PLCB4: variants seen among roughly 807,000 people sequenced by gnomAD.
The protein encoded by PLCB4 is 1-phosphatidylinositol 4,5-bisphosphate phosphodiesterase beta-4.
A neutral mutation model predicts 178.8 loss-of-function variants in PLCB4; 77 were observed. That is an observed-to-expected ratio of 0.43 (90% CI 0.36 to 0.52). The LOEUF (loss-of-function observed/expected upper bound fraction) is 0.52, where lower values mean the gene tolerates loss of function less well. PLCB4 is among the 20% of genes least tolerant of loss of function. The pLI is 0.00. For missense variants in PLCB4, 1,024 were observed against 1,453.4 expected, an observed-to-expected ratio of 0.70 and a Z score of 4.80; for synonymous variants, 496 against 490.8, an observed-to-expected ratio of 1.01 and a Z score of -0.14.
intron 2 of PLCB4, among the ~76,000 whole-genome samples, chr20:9,153,734 C>A (rs889312093): frequency 1.3e-5 from 2 of 152,092 alleles, no homozygotes; most frequent in African/African-American, 2.4e-5. Flanking sequence ...GTGAGTGATA[C>A]GATAAGGGGA....
At chr20:9,146,286 A>T (rs938882465) in intron 2 of PLCB4, among the ~76,000 whole-genome samples, 3 of 152,098 alleles carry the variant, frequency 2.0e-5, no homozygotes, top group African/African-American at 7.2e-5. Context: ...TGCATGATTC[A>T]GGTTCACCTC....
chr20:9,413,526 G>T (rs2040014788), intron 25 of PLCB4, among the ~76,000 whole-genome samples: 2 of 151,946 alleles, frequency 1.3e-5, no homozygotes, highest in African/African-American at 4.8e-5. Flanking sequence ...GGGCGTGGTG[G>T]CGGGCACCTG....
At chr20:9,386,416 A>G (rs2037666725) in intron 14 of PLCB4, among the ~76,000 whole-genome samples, 1 of 152,246 alleles carries the variant, frequency 6.6e-6, no homozygotes, top group African/African-American at 2.4e-5. Flanking sequence ...AAATGATGAA[A>G]GTGAAAAATA....
intron 25 of PLCB4, among the ~76,000 whole-genome samples, chr20:9,417,215 T>A (rs917217500): frequency 8.5e-5 from 13 of 152,172 alleles, no homozygotes; most frequent in African/African-American, 2.7e-4. Context: ...AATAATTTTT[T>A]AATTTTTTTT....
chr20:9,124,966 T>C (rs1007797004), intron 2 of PLCB4, among the ~76,000 whole-genome samples: 4 of 152,208 alleles, frequency 2.6e-5, no homozygotes, highest in African/African-American at 9.6e-5. Context: ...ACATTGAAGA[T>C]TGCCCAGGAA....
rs997448456 is a variant in PLCB4, at chr20:9,390,322, T to C, written c.1239-209T>C. On this transcript the variant is annotated intron_variant, in intron 16 of 39. Transcript: ENST00000378473. ...ACTTGAAAGACATTTTTTATTCTTCTTTCCAGCTCTTAGTTTTGGAACAGA... is the reference window on the plus strand; with the variant it reads ...ACTTGAAAGACATTTTTTATTCTTCCTTCCAGCTCTTAGTTTTGGAACAGA... Among the ~76,000 whole-genome samples, 3 of 152,222 alleles carry C rather than the reference T, an allele frequency of 2.0e-5. No individual in the cohort carries two copies. The East Asian group carries it at 5.8e-4, about 29-fold the overall frequency.
intron 2 of PLCB4, among the ~76,000 whole-genome samples, chr20:9,149,096 G>A (rs183085537): frequency 1.7e-3 from 261 of 152,250 alleles, no homozygotes; most frequent in African/African-American, 5.9e-3. Flanking sequence ...GAAAACTGGA[G>A]GGCCAGAAGA....
At chr20:9,376,397 A>T (rs928834669) in intron 12 of PLCB4, among the ~76,000 whole-genome samples, 15 of 152,282 alleles carry the variant, frequency 9.9e-5, no homozygotes, top group African/African-American at 3.6e-4. Flanking sequence ...AGCGACATAT[A>T]CCTTCTGTTA....
In PLCB4 at chr20:9,415,309, G is replaced by T. The variant is rs189932268; in HGVS notation, c.2051+4221G>T. Among the ~76,000 whole-genome samples, 321 of 152,186 alleles carry T rather than the reference G, an allele frequency of 2.1e-3. 1 individual carries two copies. Among genetic ancestry groups the T allele is most frequent in the African/African-American group, 7.5e-3 (311 of 41,520 alleles). On this transcript the variant is annotated intron_variant, in intron 25 of 39. Coordinates refer to ENST00000378473, the MANE Select transcript of PLCB4 (RefSeq NM_001377142.1). ...ATTTTAATATTTTTGGAACAGAGTTGACCAGGGGTAGCTGAAGCCTCAGAA... is the reference window on the plus strand; with the variant it reads ...ATTTTAATATTTTTGGAACAGAGTTTACCAGGGGTAGCTGAAGCCTCAGAA...
intron 3 of PLCB4, among the ~76,000 whole-genome samples, chr20:9,274,818 G>A (rs142705738): frequency 6.6e-6 from 1 of 152,096 alleles, no homozygotes; most frequent in Non-Finnish European, 1.5e-5. Context: ...GTACAGTACA[G>A]GTTTTCAAGT....
chr20:9,400,545 G>A (rs76754539), intron 19 of PLCB4, among the ~76,000 whole-genome samples: 2,387 of 152,054 alleles, frequency 0.016, 66 homozygotes, highest in African/African-American at 0.055. Context: ...ATTTTAGTGG[G>A]TTTTTTTGTT....
Position 9,408,018 on chromosome 20 carries a change from C to T in PLCB4, c.1749C>T (p.Tyr583=), listed in dbSNP as rs149835904. The change falls in exon 22 of 40, where the codon TAC becomes TAT. Residue 583 remains tyrosine, a synonymous_variant. Coordinates refer to ENST00000378473, the MANE Select transcript of PLCB4 (RefSeq NM_001377142.1). ...CATATTTGTCCACAATGATCAACTA[C>T]GCCCAGCCTGTAAAGTTTCAAGGTT... ...IHPYLSTMIN[Y]AQPVKFQGFH... 8.5e-5 allele frequency: 137 copies of T among 1,613,412 alleles called. No individual in the cohort carries two copies. Among genetic ancestry groups the T allele is most frequent in the Admixed American group, 8.3e-5 (5 of 59,996 alleles).
In PLCB4 at chr20:9,319,869, T is replaced by C. The variant is rs568967605; in HGVS notation, c.84+11971T>C. Among the ~76,000 whole-genome samples the C allele has an allele frequency of 4.5e-4, 69 of 152,230 alleles. 4 individuals are homozygous for C. In the South Asian group the frequency reaches 0.014, roughly 32 times the overall value. On this transcript the variant is annotated intron_variant, in intron 4 of 39. Coordinates refer to ENST00000378473, the MANE Select transcript of PLCB4 (RefSeq NM_001377142.1). Reference sequence around the variant, plus strand: ...GCCTTAGCCCAGTCAAGTTGACATATAAAATTAATCATGACAGGTGTTTTT... The same window carrying C: ...GCCTTAGCCCAGTCAAGTTGACATACAAAATTAATCATGACAGGTGTTTTT...
At chr20:9,117,885 AC>A (rs1407508095) in intron 2 of PLCB4, among the ~76,000 whole-genome samples, 1 of 151,764 alleles carries the variant, frequency 6.6e-6, no homozygotes, top group African/African-American at 2.4e-5. Context: ...TTCTAAAATA[AC>A]CCTTTTTGGT....
chr20:9,421,289 T>A lies in PLCB4; in HGVS notation c.2155-8T>A. The A allele has an allele frequency of 6.2e-7, 1 of 1,602,844 alleles. No individual in the cohort carries two copies. On this transcript the variant is annotated splice_region_variant and splice_polypyrimidine_tract_variant and intron_variant, in intron 26 of 39. Transcript: ENST00000378473. Reference sequence around the variant, plus strand: ...TACTTCTCTTTGCTCTCGTTCGTGCTGCTACAGGTTATATCAGGTCAATTC... The same window carrying A: ...TACTTCTCTTTGCTCTCGTTCGTGCAGCTACAGGTTATATCAGGTCAATTC...
intron 28 of PLCB4, among the ~76,000 whole-genome samples, chr20:9,427,957 A>T (rs948724735): frequency 2.0e-5 from 3 of 152,154 alleles, no homozygotes; most frequent in Non-Finnish European, 4.4e-5. Flanking sequence ...CTCTTCTACA[A>T]CTATTTTATG....
intron 2 of PLCB4, among the ~76,000 whole-genome samples, chr20:9,097,783 AT>A (rs1306707538): frequency 5.9e-5 from 9 of 152,216 alleles, no homozygotes; most frequent in African/African-American, 1.9e-4. Context: ...CATGTTACTT[AT>A]AAAGCACCCA....
chr20:9,175,073 G>A lies in PLCB4; in HGVS notation c.-78-42317G>A, dbSNP rs960103541. Among the ~76,000 whole-genome samples the A allele has an allele frequency of 8.5e-5, 13 of 152,204 alleles. 1 individual carries two copies. Among genetic ancestry groups the A allele is most frequent in the African/African-American group, 2.4e-4 (10 of 41,534 alleles). On this transcript the variant is annotated intron_variant, in intron 2 of 39. Transcript: ENST00000378473. ...TAGTAGGACATAGGTCCAGAAGACC[G>A]GGTATACAGCATTGGTTGTCACCAT...
Position 9,472,750 on chromosome 20 carries a change from C to T in PLCB4, c.3351-40C>T, listed in dbSNP as rs779130265. 9 of 1,217,402 alleles carry T rather than the reference C, an allele frequency of 7.4e-6. No homozygotes were observed. The East Asian group carries it at 1.2e-4, about 16-fold the overall frequency. The allele number at this position is 1,217,402 out of a possible 1,614,324, so 75.4% of individuals were successfully genotyped here. A position where few individuals can be genotyped will look rare whatever the true frequency, so the allele number is the denominator to read the frequency against. ...TATTTGATATAATATTAATTTCATT[C>T]AATGTCATACCAACCGTTATTTGTG... On this transcript the variant is annotated intron_variant, in intron 36 of 39. Transcript: ENST00000378473.
Sources: allele counts gnomAD v4.1 joint callset (sites outside exome capture counted in the v4.1 genomes callset), GRCh38; gene constraint gnomAD v4.1.1; transcripts MANE v1.5; gene names NCBI Gene and HGNC (gene_info 2026-07-23, HGNC 2026-07-21).